HMGN5: variants seen among roughly 807,000 people sequenced by gnomAD.
The protein encoded by HMGN5 is high mobility group nucleosome-binding domain-containing protein 5.
HMGN5 carries 4 observed loss-of-function variants against 9.5 expected under a neutral mutation model. The ratio of observed to expected loss-of-function variants is 0.42; its 90% CI spans 0.21 to 0.96. The LOEUF (loss-of-function observed/expected upper bound fraction) is 0.96, where lower values mean the gene tolerates loss of function less well. HMGN5 is among the 40% of genes least tolerant of loss of function. The probability of loss-of-function intolerance (pLI) is 0.30; values close to 1 mark genes in which losing one functional copy is unlikely to be tolerated. For missense variants in HMGN5, 192 were observed against 187.5 expected (o/e 1.02, Z -0.14); for synonymous variants, 55 against 57.1 (o/e 0.96, Z 0.16).
chrX:81,161,917 T>G (rs1046126546), intron 1 of HMGN5, among the ~76,000 whole-genome samples: 4 of 109,631 alleles, frequency 3.6e-5, no homozygotes, highest in African/African-American at 1.4e-4. Flanking sequence ...AATGCAGTAC[T>G]TGGTAAGTTT....
rs1035456551 is a variant in HMGN5 at position 81,186,721 on chromosome X, A to G, written c.-124+15016T>C. Among the ~76,000 whole-genome samples, 7 of 111,214 alleles carry G rather than the reference A, an allele frequency of 6.3e-5. No individual in the cohort carries two copies. In the Admixed American group the frequency reaches 6.7e-4, roughly 11 times the overall value. On this transcript the variant is annotated intron_variant, in intron 1 of 6. Transcript: ENST00000358130. ...TTTTTTGGGTACATAGTAGGTGTATATATTTATGGGGTACATGAGATGTTT... is the reference window on the plus strand; with the variant it reads ...TTTTTTGGGTACATAGTAGGTGTATGTATTTATGGGGTACATGAGATGTTT...
chrX:81,168,438 G>A (rs1411589294), intron 1 of HMGN5, among the ~76,000 whole-genome samples: 1 of 111,529 alleles, frequency 9.0e-6, no homozygotes, highest in Non-Finnish European at 1.9e-5. Context: ...GTGGGGGGCT[G>A]ACTGTCCACA....
At chrX:81,174,114 G>T (rs922401458) in intron 1 of HMGN5, among the ~76,000 whole-genome samples, 1 of 110,640 alleles carries the variant, frequency 9.0e-6, no homozygotes, top group Non-Finnish European at 1.9e-5. Context: ...CTCATTATAG[G>T]AAAATAAGAA....
At chrX:81,141,462 CAGAGAGAGAG>C (rs35363364) in intron 1 of HMGN5, among the ~76,000 whole-genome samples, 1 of 94,138 alleles carries the variant, frequency 1.1e-5, no homozygotes, top group Non-Finnish European at 2.1e-5. Flanking sequence ...TGATGCAAAA[CAGAGAGAGAG>C]AGAGAGAGAG....
intron 1 of HMGN5, among the ~76,000 whole-genome samples, chrX:81,173,562 C>T (rs899256606): frequency 2.7e-5 from 3 of 111,602 alleles, no homozygotes; most frequent in Admixed American, 9.5e-5. Context: ...AAAATTAGCT[C>T]CTCAGCAAAT....
rs2075528259 is a variant in HMGN5 at position 81,201,889 on chromosome X, C to G, written c.-276G>C. 3.3e-6 allele frequency: 1 copy of G among 299,825 alleles called. No individual in the cohort carries two copies. The highest frequency in any genetic ancestry group is 2.8e-5 in the African/African-American group (1 of 35,370). The allele number at this position is 299,825 out of a possible 1,213,427, so 24.7% of individuals were successfully genotyped here. On this transcript the variant is annotated 5_prime_UTR_variant, in exon 1 of 7. Coordinates refer to ENST00000358130, the MANE Select transcript of HMGN5 (RefSeq NM_030763.3). ...TCTTTCTTCTTCTCCTCGCCCTCTT[C>G]TCAGGGAAGGAATCGTCAAAAATCA...
chrX:81,131,016 G>A (rs965215183), intron 1 of HMGN5, among the ~76,000 whole-genome samples: 2 of 111,349 alleles, frequency 1.8e-5, no homozygotes, highest in Admixed American at 9.6e-5. Context: ...CAAGAGAGAT[G>A]GATGAGCATT....
chrX:81,134,083 T>C (rs1398234939), intron 1 of HMGN5, among the ~76,000 whole-genome samples: 2 of 111,555 alleles, frequency 1.8e-5, no homozygotes, highest in Admixed American at 1.9e-4. Context: ...TGAATACATT[T>C]AGATCTAGCA....
intron 1 of HMGN5, among the ~76,000 whole-genome samples, chrX:81,170,954 A>C (rs2075424496): frequency 9.0e-6 from 1 of 110,942 alleles, no homozygotes; most frequent in Admixed American, 9.6e-5. Flanking sequence ...ATAGAATTGT[A>C]TTTGCCATCC....
chrX:81,117,922 A>T (rs1388525782), intron 5 of HMGN5, among the ~76,000 whole-genome samples: 4 of 110,576 alleles, frequency 3.6e-5, no homozygotes, highest in Non-Finnish European at 7.6e-5. Flanking sequence ...CTATTTCTAC[A>T]TGCCTTTAGC....
At chrX:81,192,963 T>C (rs888225629) in intron 1 of HMGN5, among the ~76,000 whole-genome samples, 2 of 111,457 alleles carry the variant, frequency 1.8e-5, no homozygotes, top group Admixed American at 9.6e-5. Context: ...ATCTATTTTT[T>C]TAGGTAAGAT....
At chrX:81,153,153 AAAAAAAAT>A (rs2075369382) in intron 1 of HMGN5, among the ~76,000 whole-genome samples, 1 of 108,731 alleles carries the variant, frequency 9.2e-6, no homozygotes, top group Non-Finnish European at 1.9e-5. Context: ...AATAATAATT[AAAAAAAAT>A]AAAAAAATAA....
chrX:81,146,220 A>C (rs969453140), intron 1 of HMGN5, among the ~76,000 whole-genome samples: 2 of 111,837 alleles, frequency 1.8e-5, no homozygotes, highest in Non-Finnish European at 3.8e-5. Flanking sequence ...ACCACATCAC[A>C]CTTATTCTAA....
At chrX:81,133,099 A>T (rs1197800636) in intron 1 of HMGN5, among the ~76,000 whole-genome samples, 1 of 112,007 alleles carries the variant, frequency 8.9e-6, no homozygotes, top group African/African-American at 3.2e-5. Flanking sequence ...ATCACATTAA[A>T]AAAAGCTCAA....
intron 1 of HMGN5, among the ~76,000 whole-genome samples, chrX:81,165,741 T>G (rs903682391): frequency 8.9e-6 from 1 of 111,776 alleles, no homozygotes; most frequent in East Asian, 2.8e-4. Flanking sequence ...TATGTTTGAA[T>G]GACTTAAGTA....
chrX:81,123,597 A>G (rs1334029022), intron 1 of HMGN5, among the ~76,000 whole-genome samples: 1 of 112,458 alleles, frequency 8.9e-6, no homozygotes, highest in African/African-American at 3.2e-5. Context: ...TCAGCAGTGG[A>G]ATGCATCCAT....
intron 1 of HMGN5, among the ~76,000 whole-genome samples, chrX:81,153,581 CTCTATATATATATATA>C (rs2075372960): frequency 1.0e-4 from 1 of 9,626 alleles, no homozygotes; most frequent in Non-Finnish European, 1.8e-4. Context: ...CTCTCTCTCT[CTCTATATATATATATA>C]TATATATATA....
chrX:81,169,401 G>A (rs1381929914), intron 1 of HMGN5, among the ~76,000 whole-genome samples: 1 of 111,377 alleles, frequency 9.0e-6, no homozygotes, highest in Non-Finnish European at 1.9e-5. Context: ...AAGTTGTAGG[G>A]GATATCAGCA....
intron 1 of HMGN5, among the ~76,000 whole-genome samples, chrX:81,179,312 C>T (rs1008192113): frequency 8.1e-5 from 9 of 111,787 alleles, no homozygotes; most frequent in South Asian, 7.5e-4. Flanking sequence ...CCCATCGTTT[C>T]AGCCCCAAAT....
Sources: allele counts gnomAD v4.1 joint callset (sites outside exome capture counted in the v4.1 genomes callset), GRCh38; gene constraint gnomAD v4.1.1; transcripts MANE v1.5; gene names NCBI Gene and HGNC (gene_info 2026-07-23, HGNC 2026-07-21).